The following MIS18BP1 variants were observed in gnomAD, a reference collection of about 807,000 sequenced individuals.
The protein encoded by MIS18BP1 is MIS18 binding protein 1.
MIS18BP1 carries 72 observed loss-of-function variants against 116.1 expected under a neutral mutation model. The ratio of observed to expected loss-of-function variants is 0.62; its 90% CI spans 0.51 to 0.75. The LOEUF is 0.75. MIS18BP1 is among the 30% of genes least tolerant of loss of function. The pLI is 0.00. For synonymous variants in MIS18BP1, 386 were observed against 427.0 expected (o/e 0.90, Z 1.18); for missense variants, 1,363 against 1,303.2 (o/e 1.05, Z -0.71).
intron 2 of MIS18BP1, among the ~76,000 whole-genome samples, chr14:45,245,663 C>A (rs372494389): frequency 6.6e-6 from 1 of 152,074 alleles, no homozygotes. Context: ...CGTGCCCGGC[C>A]GGCCTTTCTA....
chr14:45,229,800 G>A (rs17636302), intron 8 of MIS18BP1, among the ~76,000 whole-genome samples: 11,938 of 152,110 alleles, frequency 0.078, 621 homozygotes, highest in South Asian at 0.16. Context: ...AGCAGGTGCC[G>A]AAGCCCCAAG....
chr14:45,231,217 T>G lies in MIS18BP1; in HGVS notation c.1518A>C (p.Lys506Asn). The part of the protein sequence containing the change: ...RSVRDIRKSM[K>N]NDARENQTDT... The stretch of plus-strand genomic sequence containing the variant: ...CTGTTTGGTTTTCTCGTGCATCATT[T>G]TTCATTGATTTCCTTATGTCACGGA... Residue 506 changes from lysine (K) to asparagine (N), a missense_variant, in exon 8 of 17, where the codon AAA becomes AAC. Lys to Asn is a moderately conservative substitution (Grantham distance 94). Transcript: ENST00000310806. 6.2e-7 allele frequency: 1 copy of G among 1,614,016 alleles called. No homozygotes were observed. The highest frequency in any genetic ancestry group is 8.5e-7 in the Non-Finnish European group (1 of 1,179,924).
intron 8 of MIS18BP1, 68 bp from the exon 9 acceptor site, chr14:45,227,882 G>C: frequency 6.6e-7 from 1 of 1,516,690 alleles, no homozygotes; most frequent in Non-Finnish European, 9.0e-7. Flanking sequence ...TCTACATGAA[G>C]AATTAACTTT....
At chr14:45,227,246 C>T (rs552258670) in intron 9 of MIS18BP1, among the ~76,000 whole-genome samples, 4 of 152,246 alleles carry the variant, frequency 2.6e-5, no homozygotes, top group South Asian at 4.2e-4. Flanking sequence ...CAGTGGCTCA[C>T]GACTGTAATC....
intron 4 of MIS18BP1, among the ~76,000 whole-genome samples, chr14:45,241,288 G>A (rs530541600): frequency 4.7e-4 from 72 of 152,112 alleles, no homozygotes; most frequent in Non-Finnish European, 7.1e-4. Flanking sequence ...TGGCCAGCAC[G>A]GTAAAACCCC....
At chr14:45,226,703 C>A in intron 10 of MIS18BP1, 40 bp downstream of exon 10, 1 of 1,295,962 alleles carries the variant, frequency 7.7e-7, no homozygotes, top group South Asian at 1.7e-5. Context: ...CACATAGTAG[C>A]TTTCTGCTTA....
intron 11 of MIS18BP1, among the ~76,000 whole-genome samples, chr14:45,221,816 A>T (rs1340190521): frequency 1.3e-5 from 2 of 152,216 alleles, no homozygotes; most frequent in African/African-American, 4.8e-5. Context: ...GTTCTATCAA[A>T]TACCAAGAGA....
At chr14:45,227,852 T>C in intron 8 of MIS18BP1, 38 bp from the exon 9 acceptor site, 2 of 1,592,834 alleles carry the variant, frequency 1.3e-6, no homozygotes, top group East Asian at 2.2e-5. Context: ...TAAATGGTTA[T>C]ATAAAAGAGA....
rs368313239 is a variant in MIS18BP1 at position 45,247,079 on chromosome 14, T to C, written c.208A>G (p.Asn70Asp). 1 of 1,612,742 alleles carries C rather than the reference T, an allele frequency of 6.2e-7. No homozygotes were observed. The highest frequency in any genetic ancestry group is 2.2e-5 in the East Asian group (1 of 44,840). ...KNQFLKMTTF[N>D]NKNIFQSTML... ...GTTGATTGAAATATATTTTTATTGT[T>C]AAAAGTTGTCATTTTTAGGAACTGA... The change falls in exon 2 of 17, where the codon AAC becomes GAC. Residue 70 changes from asparagine to aspartate, a missense_variant. Asn to Asp is a conservative substitution (Grantham distance 23). Coordinates refer to ENST00000310806, the MANE Select transcript of MIS18BP1 (RefSeq NM_018353.5).
At chr14:45,223,671 T>C (rs1004652633) in intron 11 of MIS18BP1, among the ~76,000 whole-genome samples, 1 of 152,226 alleles carries the variant, frequency 6.6e-6, no homozygotes, top group Non-Finnish European at 1.5e-5. Context: ...AAATATTACA[T>C]GGGAATGAAA....
In MIS18BP1 at chr14:45,224,473, C is replaced by T. The variant is rs769022581; in HGVS notation, c.2114G>A (p.Gly705Asp). Reference sequence around the variant, plus strand: ...ATCTTCCTTGTTTTTACTTTTATGACCTTCAAATGTATTTTCTAAAGTCCC... The same window carrying T: ...ATCTTCCTTGTTTTTACTTTTATGATCTTCAAATGTATTTTCTAAAGTCCC... ...SMGTLENTFE[G>D]HKSKNKEDCD... is the part of the protein sequence containing the mutation. Residue 705 changes from glycine (G) to aspartate (D), a missense_variant, in exon 11 of 17, where the codon GGT (glycine) becomes GAT (aspartate). Coordinates refer to ENST00000310806, the MANE Select transcript of MIS18BP1 (RefSeq NM_018353.5). The T allele has an allele frequency of 3.7e-6, 6 of 1,613,698 alleles. No individual in the cohort carries two copies. The African/African-American group carries it at 8.0e-5, about 22-fold the overall frequency.
At chr14:45,236,517 A>G (rs1310398662) in intron 5 of MIS18BP1, among the ~76,000 whole-genome samples, 1 of 152,230 alleles carries the variant, frequency 6.6e-6, no homozygotes, top group African/African-American at 2.4e-5. Context: ...ATGAAGATGT[A>G]TTAGATAAAT....
At chr14:45,218,552 G>A (rs1594506195) in intron 11 of MIS18BP1, 98 bp from the exon 12 acceptor site, 1 of 1,103,608 alleles carries the variant, frequency 9.1e-7, no homozygotes, top group African/African-American at 1.6e-5. Context: ...TTACTGAGAT[G>A]AAGGAATCAG....
chr14:45,245,101 C>T (rs1891689109), intron 2 of MIS18BP1, among the ~76,000 whole-genome samples: 1 of 152,218 alleles, frequency 6.6e-6, no homozygotes, highest in Non-Finnish European at 1.5e-5. Context: ...GCCAATTCCT[C>T]TTGTCACATT....
At chr14:45,251,036 C>CAA (rs1230380755) in intron 1 of MIS18BP1, among the ~76,000 whole-genome samples, 859 of 58,850 alleles carry the variant, frequency 0.015, 19 homozygotes, top group East Asian at 0.058. Flanking sequence ...GACTCTGCCT[C>CAA]AAAAAAAAAA....
At chr14:45,217,605 C>CT (rs879725525) in intron 12 of MIS18BP1, among the ~76,000 whole-genome samples, 144 of 145,092 alleles carry the variant, frequency 9.9e-4, no homozygotes, top group Middle Eastern at 3.5e-3. Flanking sequence ...AAGATCTTCT[C>CT]TTTTTTTTTT....
At chr14:45,237,995 T>C (rs749079302) in intron 4 of MIS18BP1, among the ~76,000 whole-genome samples, 3 of 152,130 alleles carry the variant, frequency 2.0e-5, no homozygotes, top group Non-Finnish European at 4.4e-5. Context: ...AAATCTCAAC[T>C]GGTGGGGACA....
chr14:45,246,643 G>T, intron 2 of MIS18BP1, 100 bp downstream of exon 2: 1 of 1,080,178 alleles, frequency 9.3e-7, no homozygotes, highest in Non-Finnish European at 1.3e-6. Flanking sequence ...AAGGATTTTT[G>T]TCCATTTTGT....
Position 45,224,085 on chromosome 14 carries a change from TTTC to T in MIS18BP1, c.2499_2501del (p.Lys834del). ...GAGTTTCTTTGACGGAAGGTCTAGC[TTTC>T]TTTTGTTTGATATAAAATTCATTTT... On this transcript the variant is annotated inframe_deletion, in exon 11 of 17. Coordinates refer to ENST00000310806, the MANE Select transcript of MIS18BP1 (RefSeq NM_018353.5). 1 of 1,612,542 alleles carries T rather than the reference TTTC, an allele frequency of 6.2e-7. No individual in the cohort carries two copies. The highest frequency in any genetic ancestry group is 1.1e-5 in the South Asian group (1 of 90,594).
Sources: gnomAD v4.1 joint callset for allele counts (sites outside exome capture counted in the v4.1 genomes callset) on GRCh38, gnomAD v4.1.1 for gene constraint, MANE v1.5 for transcripts, NCBI Gene and HGNC (gene_info 2026-07-23, HGNC 2026-07-21) for gene names.